PFKP: variants seen among roughly 807,000 people sequenced by gnomAD.
The protein encoded by PFKP is phosphofructokinase, platelet.
PFKP carries 101 observed loss-of-function variants against 94.3 expected under a neutral mutation model. The observed-to-expected ratio is 1.07, with a 90% confidence interval of 0.91 to 1.26. PFKP has a LOEUF of 1.26. PFKP is among the 50% of genes most tolerant of loss of function. PFKP has a pLI of 0.00. For synonymous variants in PFKP, 573 were observed against 432.6 expected, an observed-to-expected ratio of 1.32 and a Z score of -4.03; for missense variants, 1,145 against 1,103.3, an observed-to-expected ratio of 1.04 and a Z score of -0.53.
intron 4 of PFKP, 97 bp downstream of exon 4, chr10:3,101,651 C>G: frequency 1.2e-6 from 1 of 827,778 alleles, no homozygotes; most frequent in East Asian, 2.9e-5. Flanking sequence ...AGAAGTACCT[C>G]TTCTCACAGA....
intron 1 of PFKP, among the ~76,000 whole-genome samples, chr10:3,081,168 A>C (rs1833042835): frequency 6.6e-6 from 1 of 152,244 alleles, no homozygotes; most frequent in South Asian, 2.1e-4. Context: ...TGTATCCCCA[A>C]GGTTTTTCAG....
chr10:3,130,109 C>A (rs1451430453), intron 17 of PFKP, 126 bp downstream of exon 17: 9 of 811,530 alleles, frequency 1.1e-5, no homozygotes, highest in Non-Finnish European at 1.7e-5. Flanking sequence ...ACAGAACATG[C>A]CACGCTTGAT....
At chr10:3,115,196 C>T (rs996535053) in intron 13 of PFKP, among the ~76,000 whole-genome samples, 5 of 151,748 alleles carry the variant, frequency 3.3e-5, no homozygotes, top group Non-Finnish European at 7.4e-5. Flanking sequence ...GGATGAGGAG[C>T]GGAGACTCAT....
intron 2 of PFKP, among the ~76,000 whole-genome samples, chr10:3,089,937 C>T (rs1448987519): frequency 3.9e-5 from 6 of 152,030 alleles, no homozygotes; most frequent in Non-Finnish European, 8.8e-5. Context: ...TCAATCCTAA[C>T]TCTGTCTTCA....
At chr10:3,134,628 T>C (rs759071193) in intron 20 of PFKP, 46 bp downstream of exon 20, 1 of 1,250,752 alleles carries the variant, frequency 8.0e-7, no homozygotes, top group Non-Finnish European at 1.2e-6. Context: ...ATGCAGGCCG[T>C]CCTGCCTTGG....
At chr10:3,095,235 C>T (rs1348010121) in intron 2 of PFKP, among the ~76,000 whole-genome samples, 1 of 151,418 alleles carries the variant, frequency 6.6e-6, no homozygotes, top group African/African-American at 2.4e-5. Flanking sequence ...GAGAAAGCCA[C>T]CCATAGGTGA....
rs571547331 is a variant in PFKP at position 3,100,655 on chromosome 10, C to T, written c.265-710C>T. ...CACCTTGCTTGACAAAGTCAGCACGCGCTTAGGGATCCCGTACGGATGGAG... is the reference window on the plus strand; with the variant it reads ...CACCTTGCTTGACAAAGTCAGCACGTGCTTAGGGATCCCGTACGGATGGAG... On this transcript the variant is annotated intron_variant, in intron 3 of 21. Coordinates refer to ENST00000381125, the MANE Select transcript of PFKP (RefSeq NM_002627.5). 1.2e-4 allele frequency among the ~76,000 whole-genome samples: 18 copies of T among 152,096 alleles called. No homozygotes were observed. The East Asian group carries it at 2.3e-3, about 20-fold the overall frequency.
Position 3,132,457 on chromosome 10 carries a change from C to A in PFKP, c.1910+16C>A. On this transcript the variant is annotated intron_variant, in intron 18 of 21. Transcript: ENST00000381125. Reference sequence around the variant, plus strand: ...TTGTGCTCAGGTGAGAGAGAGAGACCAGGGGCTGATCTTACCCTCACCGCC... The same window carrying A: ...TTGTGCTCAGGTGAGAGAGAGAGACAAGGGGCTGATCTTACCCTCACCGCC... The A allele has an allele frequency of 1.3e-6, 2 of 1,579,420 alleles. No individual in the cohort carries two copies. The highest frequency in any genetic ancestry group is 1.7e-6 in the Non-Finnish European group (2 of 1,148,658).
At chr10:3,075,706 C>T (rs944424971) in intron 1 of PFKP, among the ~76,000 whole-genome samples, 3 of 150,444 alleles carry the variant, frequency 2.0e-5, no homozygotes, top group African/African-American at 7.4e-5. Flanking sequence ...AGTTTGAGGC[C>T]AGCCTGGGCA....
intron 16 of PFKP, among the ~76,000 whole-genome samples, chr10:3,122,908 C>T (rs750871825): frequency 2.6e-5 from 4 of 152,212 alleles, no homozygotes; most frequent in African/African-American, 4.8e-5. Flanking sequence ...CGCTGCGGAA[C>T]GTCCCTCAGA....
At chr10:3,074,275 C>T (rs1286091532) in intron 1 of PFKP, among the ~76,000 whole-genome samples, 2 of 152,168 alleles carry the variant, frequency 1.3e-5, no homozygotes, top group African/African-American at 2.4e-5. Context: ...GTACGACGTG[C>T]CTGTAGCCTG....
intron 2 of PFKP, among the ~76,000 whole-genome samples, chr10:3,097,217 A>G (rs1834564710): frequency 6.6e-6 from 1 of 151,498 alleles, no homozygotes; most frequent in East Asian, 1.9e-4. Context: ...TATTCTGAGG[A>G]TTATGGCCTC....
rs188172848 is a variant in PFKP at position 3,093,683 on chromosome 10, A to C, written c.187-5592A>C. On this transcript the variant is annotated intron_variant, in intron 2 of 21. Coordinates refer to ENST00000381125, the MANE Select transcript of PFKP (RefSeq NM_002627.5). ...TTTTGAGACAGAGTCTTGCTCTGTCACCCAGGCTGGAGTGCAGTGGCGCAA... is the reference window on the plus strand; with the variant it reads ...TTTTGAGACAGAGTCTTGCTCTGTCCCCCAGGCTGGAGTGCAGTGGCGCAA... Among the ~76,000 whole-genome samples the C allele has an allele frequency of 9.4e-3, 1,116 of 119,276 alleles. 10 individuals are homozygous for C. Among genetic ancestry groups the C allele is most frequent in the African/African-American group, 0.034 (1,014 of 29,920 alleles). The allele number at this position is 119,276 out of a possible 152,430, so 78.2% of individuals were successfully genotyped here. A position where few individuals can be genotyped will look rare whatever the true frequency, so the allele number is the denominator to read the frequency against.
At chr10:3,069,612 G>T (rs946283075) in intron 1 of PFKP, among the ~76,000 whole-genome samples, 2 of 152,154 alleles carry the variant, frequency 1.3e-5, no homozygotes, top group Non-Finnish European at 2.9e-5. Context: ...GCCTTGTACG[G>T]TGGCTCATGC....
intron 7 of PFKP, among the ~76,000 whole-genome samples, chr10:3,105,967 G>C (rs940967415): frequency 6.6e-6 from 1 of 152,214 alleles, no homozygotes; most frequent in Non-Finnish European, 1.5e-5. Context: ...GAAGGACGAC[G>C]GGGACAGCAG....
chr10:3,134,683 C>T (rs1839022476), intron 20 of PFKP, 101 bp downstream of exon 20: 7 of 768,282 alleles, frequency 9.1e-6, no homozygotes, highest in South Asian at 1.5e-5. Flanking sequence ...CTGGTTCCTT[C>T]TTCAGTTCAG....
At position 3,113,399 on chromosome 10, in the gene PFKP, G is replaced by A. The variant is rs368669349; in HGVS notation, c.1252G>A (p.Val418Met). Residue 418 changes from valine to methionine, a missense_variant, in exon 13 of 22, where the codon GTG becomes ATG. Val to Met is a conservative substitution (Grantham distance 21). This residue lies in a region of PFKP where 1,119 missense variants were observed against 1,062.8 expected (regional missense o/e 1.05). Transcript: ENST00000381125. Reference protein sequence around the residue: ...KTNCNVAVINVGAPAAGMNAA... With the variant: ...KTNCNVAVINMGAPAAGMNAA... ...CAATTGCAACGTAGCTGTCATCAACGTGGGGGCACCCGCGGCTGGGATGAA... is the reference window on the plus strand; with the variant it reads ...CAATTGCAACGTAGCTGTCATCAACATGGGGGCACCCGCGGCTGGGATGAA... 6 of 1,597,364 alleles carry A rather than the reference G, an allele frequency of 3.8e-6. No individual in the cohort carries two copies. The highest frequency in any genetic ancestry group is 1.1e-5 in the South Asian group (1 of 89,280).
intron 2 of PFKP, among the ~76,000 whole-genome samples, chr10:3,090,359 G>T (rs754133821): frequency 2.0e-5 from 3 of 152,174 alleles, no homozygotes; most frequent in Admixed American, 6.5e-5. Context: ...CAGTAGAAAT[G>T]GTGTTTGCCC....
At chr10:3,072,206 A>T (rs905713883) in intron 1 of PFKP, among the ~76,000 whole-genome samples, 2 of 152,240 alleles carry the variant, frequency 1.3e-5, no homozygotes, top group Non-Finnish European at 2.9e-5. Flanking sequence ...CCTCAGGTCA[A>T]TATGTGTAAA....
Sources: gnomAD v4.1 joint callset for allele counts (sites outside exome capture counted in the v4.1 genomes callset) on GRCh38, gnomAD v4.1.1 for gene constraint, gnomAD v4.1.1 regional missense constraint, MANE v1.5 for transcripts, NCBI Gene and HGNC (gene_info 2026-07-23, HGNC 2026-07-21) for gene names.